DLGAP2: variants seen among roughly 807,000 people sequenced by gnomAD.
DLGAP2 encodes the protein disks large-associated protein 2.
In DLGAP2, 26 loss-of-function variants were observed where a neutral mutation model predicts 100.3. That is an observed-to-expected ratio of 0.26 (90% CI 0.19 to 0.36). DLGAP2 has a LOEUF of 0.36. Among genes scored for constraint, DLGAP2 ranks in the 10% least tolerant of loss-of-function variants. The pLI is 1.00. For missense variants in DLGAP2, 1,858 were observed against 1,453.2 expected (o/e 1.28, Z -4.53); for synonymous variants, 886 against 630.1 (o/e 1.41, Z -6.08).
chr8:1,179,917 A>G (rs1245021330), intron 2 of DLGAP2, among the ~76,000 whole-genome samples: 1 of 152,230 alleles, frequency 6.6e-6, no homozygotes. Flanking sequence ...TAACGAGTAG[A>G]TGGGAAATTA....
At chr8:1,115,791 A>T (rs1027411101) in intron 2 of DLGAP2, among the ~76,000 whole-genome samples, 5 of 152,146 alleles carry the variant, frequency 3.3e-5, no homozygotes, top group Non-Finnish European at 7.4e-5. Context: ...TAAGGCACAA[A>T]TGACAGTTTT....
chr8:1,536,978 C>A (rs1377391587), intron 4 of DLGAP2, among the ~76,000 whole-genome samples: 1 of 152,056 alleles, frequency 6.6e-6, no homozygotes, highest in Non-Finnish European at 1.5e-5. Context: ...TAATGCTCAC[C>A]ACGACCCTCC....
intron 1 of DLGAP2, among the ~76,000 whole-genome samples, chr8:890,490 G>C (rs189051708): frequency 2.0e-5 from 3 of 151,644 alleles, no homozygotes; most frequent in Non-Finnish European, 4.4e-5. Flanking sequence ...TCTGGTTCTC[G>C]TTCTTATTCC....
chr8:1,038,586 C>T (rs1055265223), intron 2 of DLGAP2, among the ~76,000 whole-genome samples: 1 of 152,158 alleles, frequency 6.6e-6, no homozygotes, highest in Admixed American at 6.5e-5. Flanking sequence ...AGAAGTAGCC[C>T]CATTATGCGT....
chr8:1,175,851 C>G (rs539263769), intron 2 of DLGAP2, among the ~76,000 whole-genome samples: 1 of 152,192 alleles, frequency 6.6e-6, no homozygotes, highest in Admixed American at 6.5e-5. Context: ...TTTACACAAA[C>G]CTAGATTAAA....
intron 2 of DLGAP2, among the ~76,000 whole-genome samples, chr8:1,234,586 C>T (rs184730961): frequency 2.0e-5 from 3 of 152,132 alleles, no homozygotes; most frequent in African/African-American, 7.2e-5. Context: ...GAGGACTTCA[C>T]ATTTGAATTT....
intron 2 of DLGAP2, among the ~76,000 whole-genome samples, chr8:1,213,538 T>C (rs1483552365): frequency 6.6e-6 from 1 of 152,176 alleles, no homozygotes; most frequent in Non-Finnish European, 1.5e-5. Flanking sequence ...AGTGAGGGAT[T>C]TCCACCTGTA....
intron 1 of DLGAP2, among the ~76,000 whole-genome samples, chr8:850,239 A>G (rs930470243): frequency 1.3e-5 from 2 of 152,190 alleles, no homozygotes; most frequent in African/African-American, 2.4e-5. Context: ...GAATAATAGA[A>G]TATTTTAATT....
At chr8:1,474,012 C>T (rs181736817) in intron 3 of DLGAP2, among the ~76,000 whole-genome samples, 2 of 152,260 alleles carry the variant, frequency 1.3e-5, no homozygotes, top group East Asian at 3.9e-4. Context: ...GTACATTCTG[C>T]CCAATGTGTA....
intron 3 of DLGAP2, among the ~76,000 whole-genome samples, chr8:1,480,867 A>T (rs1307297912): frequency 7.3e-6 from 1 of 137,496 alleles, no homozygotes; most frequent in Non-Finnish European, 1.5e-5. Context: ...ACTCCATATA[A>T]AAAAAAAAGA....
intron 1 of DLGAP2, among the ~76,000 whole-genome samples, chr8:850,075 A>C (rs868163914): frequency 6.6e-6 from 1 of 151,758 alleles, no homozygotes; most frequent in Admixed American, 6.6e-5. Context: ...AAAAAAAAAA[A>C]AAACTAGGTT....
At chr8:1,285,376 CA>C (rs1339813556) in intron 3 of DLGAP2, among the ~76,000 whole-genome samples, 1 of 151,988 alleles carries the variant, frequency 6.6e-6, no homozygotes, top group African/African-American at 2.4e-5. Flanking sequence ...AGTCATACTT[CA>C]AAAAAGACAC....
intron 3 of DLGAP2, among the ~76,000 whole-genome samples, chr8:1,481,772 C>G (rs1430695347): frequency 2.0e-5 from 3 of 152,182 alleles, no homozygotes; most frequent in Non-Finnish European, 2.9e-5. Flanking sequence ...GTCACCGCAC[C>G]AGGCCAGATT....
intron 1 of DLGAP2, among the ~76,000 whole-genome samples, chr8:879,758 G>T (rs1455264813): frequency 6.6e-6 from 1 of 152,226 alleles, no homozygotes; most frequent in African/African-American, 2.4e-5. Context: ...CCAAAGAGTT[G>T]ATTGCTCCTA....
chr8:1,281,503 G>A lies in DLGAP2; in HGVS notation c.106+22620G>A, dbSNP rs138312596. ...ACAGGCTGAACACACATCAGCCCCG[G>A]CGGAGACAGCCCTGGACTCCCTGAT... On this transcript the variant is annotated intron_variant, in intron 3 of 14. Coordinates refer to ENST00000637795, the MANE Select transcript of DLGAP2 (RefSeq NM_001346810.2). Among the ~76,000 whole-genome samples the A allele has an allele frequency of 4.6e-3, 704 of 152,256 alleles. 5 individuals carry two copies. The highest frequency in any genetic ancestry group is 0.016 in the African/African-American group (663 of 41,566).
intron 3 of DLGAP2, among the ~76,000 whole-genome samples, chr8:1,355,763 C>T (rs1403743463): frequency 6.6e-6 from 1 of 152,122 alleles, no homozygotes; most frequent in Non-Finnish European, 1.5e-5. Context: ...GGACAAGTGC[C>T]CCACAGCTGT....
chr8:767,992 C>A (rs1821258093), intron 1 of DLGAP2, among the ~76,000 whole-genome samples: 1 of 152,188 alleles, frequency 6.6e-6, no homozygotes, highest in African/African-American at 2.4e-5. Flanking sequence ...AAAAGCAACA[C>A]TTCTCTGATG....
In DLGAP2 at chr8:1,046,859, A is replaced by G. The variant is rs144273051; in HGVS notation, c.73+138893A>G. 4.1e-4 allele frequency among the ~76,000 whole-genome samples: 63 copies of G among 151,860 alleles called. 2 individuals are homozygous for G. Among genetic ancestry groups the G allele is most frequent in the Middle Eastern group, 3.4e-3 (1 of 294 alleles). The stretch of plus-strand genomic sequence containing the variant: ...CCCCCTTTTTTTTTTCTGCCTAGCC[A>G]TCTGGGGTCAAGGCCTCACCCATTG... On this transcript the variant is annotated intron_variant, in intron 2 of 14. Transcript: ENST00000637795.
At chr8:1,219,024 A>C (rs1387227112) in intron 2 of DLGAP2, among the ~76,000 whole-genome samples, 1 of 152,188 alleles carries the variant, frequency 6.6e-6, no homozygotes, top group Non-Finnish European at 1.5e-5. Flanking sequence ...GCCTTTGGGC[A>C]GAAACTGCGG....
Sources: allele counts gnomAD v4.1 joint callset (sites outside exome capture counted in the v4.1 genomes callset), GRCh38; gene constraint gnomAD v4.1.1; transcripts MANE v1.5; gene names NCBI Gene and HGNC (gene_info 2026-07-23, HGNC 2026-07-21).